DST: variants seen among roughly 807,000 people sequenced by gnomAD.
DST encodes the protein dystonin.
A neutral mutation model predicts 875.2 loss-of-function variants in DST; 253 were observed. The ratio of observed to expected loss-of-function variants is 0.29; its 90% CI spans 0.26 to 0.32. The LOEUF is 0.32. Among genes scored for constraint, DST ranks in the 10% least tolerant of loss-of-function variants. DST has a pLI of 1.00. For synonymous variants in DST, 3,124 were observed against 3,197.1 expected (o/e 0.98, Z 0.77); for missense variants, 8,287 against 9,111.6 (o/e 0.91, Z 3.68).
intron 60 of DST, among the ~76,000 whole-genome samples, chr6:56,554,872 A>G (rs1041387809): frequency 6.6e-6 from 1 of 152,218 alleles, no homozygotes; most frequent in African/African-American, 2.4e-5. Context: ...ATATCATCAC[A>G]TATGCCACAG....
At chr6:56,726,849 G>C (rs1344093280) in intron 5 of DST, among the ~76,000 whole-genome samples, 1 of 152,174 alleles carries the variant, frequency 6.6e-6, no homozygotes, top group East Asian at 1.9e-4. Context: ...AGTACGGTCT[G>C]AGGAAAACAG....
Position 56,515,678 on chromosome 6 carries a change from A to C in DST, c.18358-10T>G. ...CCTTGTCCAGTTTTTTCTAGAAAAT[A>C]AAAGGATGAAATGTTTAACTGGTCA... On this transcript the variant is annotated splice_polypyrimidine_tract_variant and intron_variant, in intron 71 of 103. Transcript: ENST00000680361. 2 of 1,571,124 alleles carry C rather than the reference A, an allele frequency of 1.3e-6. No individual in the cohort carries two copies. The highest frequency in any genetic ancestry group is 1.7e-6 in the Non-Finnish European group (2 of 1,156,538).
At chr6:56,665,364 T>C (rs777228494) in intron 10 of DST, among the ~76,000 whole-genome samples, 3 of 152,194 alleles carry the variant, frequency 2.0e-5, no homozygotes, top group Non-Finnish European at 4.4e-5. Flanking sequence ...ACTTTAGTTG[T>C]CAGTTGTATA....
intron 60 of DST, among the ~76,000 whole-genome samples, chr6:56,553,859 T>G (rs1453027597): frequency 2.0e-5 from 3 of 151,598 alleles, no homozygotes; most frequent in Non-Finnish European, 2.9e-5. Flanking sequence ...AAATACACAA[T>G]CAAGAAAAGA....
intron 10 of DST, among the ~76,000 whole-genome samples, chr6:56,653,911 T>C (rs1208146082): frequency 6.6e-6 from 1 of 152,200 alleles, no homozygotes; most frequent in Non-Finnish European, 1.5e-5. Context: ...AAAAACTTCA[T>C]TTATTTTTCA....
chr6:56,913,993 G>A (rs1799809434), intron 2 of DST, among the ~76,000 whole-genome samples: 1 of 152,096 alleles, frequency 6.6e-6, no homozygotes, highest in Admixed American at 6.6e-5. Flanking sequence ...GGTTTTTAGG[G>A]ATAAAGTCAT....
intron 16 of DST, 33 bp downstream of exon 16, chr6:56,642,377 C>T: frequency 6.7e-7 from 1 of 1,493,704 alleles, no homozygotes; most frequent in South Asian, 1.1e-5. Flanking sequence ...GACTCCTCTA[C>T]CACAACCCCA....
intron 4 of DST, among the ~76,000 whole-genome samples, chr6:56,834,014 GC>G (rs2099790560): frequency 6.6e-6 from 1 of 151,936 alleles, no homozygotes; most frequent in African/African-American, 2.4e-5. Flanking sequence ...GATCACTAGA[GC>G]CCAGGAATTC....
intron 81 of DST, 153 bp downstream of exon 81, chr6:56,497,703 T>A (rs1308487974): frequency 1.6e-5 from 15 of 949,818 alleles, no homozygotes; most frequent in Non-Finnish European, 2.1e-5. Context: ...AAAGCTGTGT[T>A]CTCTTCTGCT....
At chr6:56,667,185 T>C (rs1471809367) in intron 10 of DST, among the ~76,000 whole-genome samples, 1 of 152,148 alleles carries the variant, frequency 6.6e-6, no homozygotes, top group Non-Finnish European at 1.5e-5. Flanking sequence ...GCTGGGATTA[T>C]AGGCGTGAGC....
intron 4 of DST, among the ~76,000 whole-genome samples, chr6:56,802,657 A>C (rs1217748807): frequency 6.6e-6 from 1 of 152,176 alleles, no homozygotes; most frequent in Non-Finnish European, 1.5e-5. Flanking sequence ...ACAGTGCCCT[A>C]CTTTTTAGTA....
intron 72 of DST, among the ~76,000 whole-genome samples, chr6:56,513,490 A>C (rs1163882163): frequency 6.6e-6 from 1 of 152,140 alleles, no homozygotes; most frequent in Non-Finnish European, 1.5e-5. Flanking sequence ...TCGGCCTCCC[A>C]AACTGCTGGG....
chr6:56,515,347 A>T, intron 72 of DST, 103 bp downstream of exon 72: 1 of 1,292,778 alleles, frequency 7.7e-7, no homozygotes, highest in East Asian at 2.4e-5. Flanking sequence ...GGTATTCTAA[A>T]ATGCCTTAAT....
At chr6:56,528,474 G>C (rs1214376171) in intron 67 of DST, among the ~76,000 whole-genome samples, 4 of 152,184 alleles carry the variant, frequency 2.6e-5, no homozygotes, top group Non-Finnish European at 4.4e-5. Flanking sequence ...TAGCCATACT[G>C]TGTGTCACTG....
intron 17 of DST, among the ~76,000 whole-genome samples, chr6:56,641,264 A>C (rs2098898225): frequency 6.6e-6 from 1 of 152,178 alleles, no homozygotes; most frequent in Admixed American, 6.5e-5. Context: ...ATAATAGGAT[A>C]AACAGAAAAC....
At chr6:56,511,558 G>T (rs903982581) in intron 72 of DST, among the ~76,000 whole-genome samples, 158 bp from the exon 73 acceptor site, 12 of 152,080 alleles carry the variant, frequency 7.9e-5, no homozygotes, top group African/African-American at 2.9e-4. Flanking sequence ...TCTTTGCCAG[G>T]AAGAGAAGGT....
intron 61 of DST, among the ~76,000 whole-genome samples, chr6:56,546,012 A>G (rs183751025): frequency 6.6e-6 from 1 of 152,192 alleles, no homozygotes; most frequent in Non-Finnish European, 1.5e-5. Flanking sequence ...GTTTCCAAAG[A>G]TATGAATATG....
At chr6:56,691,005 C>T (rs1425388493) in intron 9 of DST, among the ~76,000 whole-genome samples, 4 of 152,292 alleles carry the variant, frequency 2.6e-5, no homozygotes, top group South Asian at 2.1e-4. Context: ...AGACGTCAGG[C>T]TTTATATACA....
At chr6:56,581,047 T>C (rs1162073072) in intron 49 of DST, among the ~76,000 whole-genome samples, 2 of 114,176 alleles carry the variant, frequency 1.8e-5, no homozygotes, top group Non-Finnish European at 3.4e-5. Context: ...TTAGTGGCAT[T>C]TATTAAAAAA....
Sources: allele counts gnomAD v4.1 joint callset (sites outside exome capture counted in the v4.1 genomes callset), GRCh38; gene constraint gnomAD v4.1.1; transcripts MANE v1.5; gene names NCBI Gene and HGNC (gene_info 2026-07-23, HGNC 2026-07-21).